The following TAFA2 variants were observed in gnomAD, a reference collection of about 807,000 sequenced individuals.
TAFA2 encodes the protein TAFA chemokine like family member 2, also known as chemokine-like protein TAFA-2.
In TAFA2, 7 loss-of-function variants were observed where a neutral mutation model predicts 18.8. The ratio of observed to expected loss-of-function variants is 0.37; its 90% CI spans 0.21 to 0.70. The LOEUF is 0.70. TAFA2 is among the 30% of genes least tolerant of loss of function. The pLI, the probability that TAFA2 is intolerant of heterozygous loss-of-function variation, is 0.53. For synonymous variants in TAFA2, 60 were observed against 54.2 expected (o/e 1.11, Z -0.47); for missense variants, 122 against 158.1 (o/e 0.77, Z 1.23).
chr12:61,768,284 C>A (rs939585686), intron 2 of TAFA2, among the ~76,000 whole-genome samples: 5 of 152,098 alleles, frequency 3.3e-5, no homozygotes, highest in Admixed American at 2.0e-4. Flanking sequence ...GCAAAAGACA[C>A]TGTCAGTCAA....
intron 2 of TAFA2, among the ~76,000 whole-genome samples, chr12:61,840,948 G>T (rs1873146486): frequency 6.6e-6 from 1 of 152,084 alleles, no homozygotes; most frequent in Non-Finnish European, 1.5e-5. Flanking sequence ...CAACATAAAA[G>T]TGTCAAGATC....
chr12:61,923,800 G>C (rs538286297), intron 1 of TAFA2, among the ~76,000 whole-genome samples: 1 of 152,018 alleles, frequency 6.6e-6, no homozygotes, highest in South Asian at 2.1e-4. Flanking sequence ...CCGAGCTAAA[G>C]GAGCATGTTC....
At chr12:62,061,018 G>GA (rs61568179) in intron 1 of TAFA2, among the ~76,000 whole-genome samples, 5 of 148,590 alleles carry the variant, frequency 3.4e-5, no homozygotes, top group Non-Finnish European at 6.0e-5. Flanking sequence ...AAGTTTAAAA[G>GA]AAAAAAAAAA....
intron 2 of TAFA2, among the ~76,000 whole-genome samples, chr12:61,795,053 T>C (rs1023011308): frequency 2.0e-5 from 3 of 152,114 alleles, no homozygotes; most frequent in Non-Finnish European, 4.4e-5. Flanking sequence ...CCAGTTAGAA[T>C]GGTGATCATT....
At position 61,950,396 on chromosome 12, in the gene TAFA2, T is replaced by C. The variant is rs74367537; in HGVS notation, c.-1-82970A>G. Among the ~76,000 whole-genome samples the C allele has an allele frequency of 4.0e-3, 614 of 152,268 alleles. 3 individuals carry two copies. The highest frequency in any genetic ancestry group is 0.014 in the African/African-American group (580 of 41,564). On this transcript the variant is annotated intron_variant, in intron 1 of 4. Coordinates refer to ENST00000416284, the MANE Select transcript of TAFA2 (RefSeq NM_178539.5). Reference sequence around the variant, plus strand: ...TAGCACTACTAACAGTGCACAAGGGTTTGGAATTCTCCACATTCTTGCCAA... The same window carrying C: ...TAGCACTACTAACAGTGCACAAGGGCTTGGAATTCTCCACATTCTTGCCAA...
intron 1 of TAFA2, among the ~76,000 whole-genome samples, chr12:62,062,676 A>G (rs931722651): frequency 5.3e-5 from 8 of 152,220 alleles, no homozygotes; most frequent in Non-Finnish European, 1.0e-4. Flanking sequence ...TTTCTCAAGT[A>G]CAATAAAGGT....
intron 1 of TAFA2, among the ~76,000 whole-genome samples, chr12:61,952,534 G>A (rs1042978248): frequency 2.6e-5 from 4 of 151,882 alleles, no homozygotes; most frequent in Admixed American, 6.6e-5. Context: ...AGATCAACGC[G>A]ATAAACTTCA....
intron 1 of TAFA2, among the ~76,000 whole-genome samples, chr12:62,225,637 T>C (rs556170488): frequency 1.4e-4 from 21 of 151,838 alleles, no homozygotes; most frequent in African/African-American, 4.6e-4. Flanking sequence ...CAAATCAATA[T>C]TAAAGAAAAA....
intron 2 of TAFA2, among the ~76,000 whole-genome samples, chr12:61,774,958 C>T (rs2120858807): frequency 6.6e-6 from 1 of 151,820 alleles, no homozygotes. Context: ...ATACAAAGGA[C>T]TCTTAAAACT....
intron 1 of TAFA2, among the ~76,000 whole-genome samples, chr12:61,896,848 T>C (rs2168455): frequency 0.55 from 84,019 of 151,928 alleles, 24,797 homozygotes; most frequent in African/African-American, 0.77. Context: ...CTTGCATTAT[T>C]TATGATGTTT....
intron 1 of TAFA2, among the ~76,000 whole-genome samples, chr12:62,187,843 T>C (rs1190164162): frequency 6.6e-6 from 1 of 152,198 alleles, no homozygotes; most frequent in Non-Finnish European, 1.5e-5. Flanking sequence ...AAAACTGTTT[T>C]CTAAAGACTA....
At chr12:61,880,378 G>T in intron 1 of TAFA2, 1 of 527,276 alleles carries the variant, frequency 1.9e-6, no homozygotes. Context: ...CCAACACCAA[G>T]CTGTTGGAGC....
At chr12:62,131,284 C>T (rs962425706) in intron 1 of TAFA2, among the ~76,000 whole-genome samples, 4 of 151,974 alleles carry the variant, frequency 2.6e-5, no homozygotes, top group Admixed American at 1.3e-4. Flanking sequence ...GGCATCCACA[C>T]ACAGAGAAAG....
At chr12:62,033,687 T>G (rs1342905269) in intron 1 of TAFA2, among the ~76,000 whole-genome samples, 2 of 151,676 alleles carry the variant, frequency 1.3e-5, no homozygotes. Context: ...AAACATGTTA[T>G]ATATATATAT....
At chr12:61,964,971 T>G (rs1303247943) in intron 1 of TAFA2, among the ~76,000 whole-genome samples, 1 of 151,922 alleles carries the variant, frequency 6.6e-6, no homozygotes, top group African/African-American at 2.4e-5. Context: ...AATCTATGCC[T>G]CCTCTACCAG....
In TAFA2 at chr12:61,899,837, G is replaced by A. The variant is rs74096104; in HGVS notation, c.-1-32411C>T. Among the ~76,000 whole-genome samples the A allele has an allele frequency of 7.9e-3, 1,201 of 152,162 alleles. 12 individuals are homozygous for A. Among genetic ancestry groups the A allele is most frequent in the African/African-American group, 0.028 (1,154 of 41,514 alleles). Reference sequence around the variant, plus strand: ...ACAGTATCACAACTATTTATGTAGCGTTCATATTCTATTAGGTATTATAAG... The same window carrying A: ...ACAGTATCACAACTATTTATGTAGCATTCATATTCTATTAGGTATTATAAG... On this transcript the variant is annotated intron_variant, in intron 1 of 4. Transcript: ENST00000416284.
At chr12:61,744,433 T>G (rs941024380) in intron 4 of TAFA2, among the ~76,000 whole-genome samples, 14 of 152,280 alleles carry the variant, frequency 9.2e-5, no homozygotes, top group Admixed American at 8.5e-4. Flanking sequence ...TAGAGCCGGA[T>G]GATATATTTT....
chr12:62,073,913 T>C (rs545424307), intron 1 of TAFA2, among the ~76,000 whole-genome samples: 24 of 152,328 alleles, frequency 1.6e-4, no homozygotes, highest in African/African-American at 4.8e-4. Flanking sequence ...CCCTCACACA[T>C]GGCATGCTGT....
intron 2 of TAFA2, among the ~76,000 whole-genome samples, chr12:61,851,819 CAT>C (rs1277980493): frequency 4.0e-5 from 2 of 50,468 alleles, no homozygotes; most frequent in African/African-American, 6.6e-5. Flanking sequence ...AAAAAAAAAA[CAT>C]GTTCTAAGTA....
Sources: allele counts gnomAD v4.1 joint callset (sites outside exome capture counted in the v4.1 genomes callset), GRCh38; gene constraint gnomAD v4.1.1; transcripts MANE v1.5; gene names NCBI Gene and HGNC (gene_info 2026-07-23, HGNC 2026-07-21).